The following RIC1 variants were observed in gnomAD, a reference collection of about 807,000 sequenced individuals.
The protein encoded by RIC1 is RIC1 partner of RAB6A GEF complex.
A neutral mutation model predicts 169.0 loss-of-function variants in RIC1; 88 were observed. The ratio of observed to expected loss-of-function variants is 0.52; its 90% CI spans 0.44 to 0.62. The LOEUF (loss-of-function observed/expected upper bound fraction) is 0.62. Among genes scored for constraint, RIC1 ranks in the 20% least tolerant of loss-of-function variants. RIC1 has a pLI of 0.00. For missense variants in RIC1, 1,877 were observed against 1,725.5 expected, an observed-to-expected ratio of 1.09 and a Z score of -1.56; for synonymous variants, 790 against 601.5, an observed-to-expected ratio of 1.31 and a Z score of -4.59.
At chr9:5,643,511 A>G (rs1818351655) in intron 1 of RIC1, among the ~76,000 whole-genome samples, 1 of 152,160 alleles carries the variant, frequency 6.6e-6, no homozygotes. Flanking sequence ...CTTTCTCAAA[A>G]AAAAAGTTAT....
chr9:5,686,934 T>C (rs1320263519), intron 2 of RIC1, among the ~76,000 whole-genome samples: 1 of 152,186 alleles, frequency 6.6e-6, no homozygotes, highest in Non-Finnish European at 1.5e-5. Context: ...ATTTATTTCT[T>C]AAAGAGTTGG....
intron 12 of RIC1, among the ~76,000 whole-genome samples, chr9:5,749,066 G>A (rs993896995): frequency 2.0e-5 from 3 of 152,104 alleles, no homozygotes; most frequent in Non-Finnish European, 4.4e-5. Flanking sequence ...AGATCATAAA[G>A]TCCAACTGGA....
chr9:5,750,545 A>C (rs927920237), intron 12 of RIC1, among the ~76,000 whole-genome samples: 1 of 151,948 alleles, frequency 6.6e-6, no homozygotes, highest in Non-Finnish European at 1.5e-5. Context: ...TGGCTCCCAC[A>C]GTCTCACTAG....
chr9:5,719,096 A>G lies in RIC1; in HGVS notation c.441-1086A>G, dbSNP rs566969602. The G allele has an allele frequency of 2.0e-5, 3 of 152,268 alleles. No homozygotes were observed. The East Asian group carries it at 5.8e-4, about 29-fold the overall frequency. 9.4% of individuals were successfully genotyped at this position (152,268 alleles called of 1,614,324 possible). On this transcript the variant is annotated intron_variant, in intron 4 of 25. Transcript: ENST00000414202. ...CATAACATTTTTTGTTTTTCCTTAT[A>G]TAGTATTTGATACTTTGAACACTCT...
At chr9:5,639,556 T>A (rs943401816) in intron 1 of RIC1, among the ~76,000 whole-genome samples, 6 of 152,226 alleles carry the variant, frequency 3.9e-5, no homozygotes, top group African/African-American at 1.4e-4. Flanking sequence ...GAATGTGTGT[T>A]CTGCACCCTT....
chr9:5,740,697 C>T (rs566494578), intron 8 of RIC1, among the ~76,000 whole-genome samples: 7 of 151,578 alleles, frequency 4.6e-5, no homozygotes, highest in African/African-American at 9.7e-5. Flanking sequence ...ATATTCTAGC[C>T]GCACTGGCAG....
At chr9:5,653,945 A>G (rs1464013020) in intron 1 of RIC1, among the ~76,000 whole-genome samples, 1 of 152,126 alleles carries the variant, frequency 6.6e-6, no homozygotes, top group Non-Finnish European at 1.5e-5. Context: ...AGTGTTTTGT[A>G]ACTTTTTTCT....
chr9:5,654,440 G>C (rs1818971573), intron 1 of RIC1, among the ~76,000 whole-genome samples: 1 of 152,100 alleles, frequency 6.6e-6, no homozygotes, highest in South Asian at 2.1e-4. Flanking sequence ...GTAGAGACGG[G>C]GTTTCACCAT....
Position 5,711,844 on chromosome 9 carries a change from C to A in RIC1, c.333-2052C>A, listed in dbSNP as rs139996636. On this transcript the variant is annotated intron_variant, in intron 3 of 25. Transcript: ENST00000414202. ...TGCGGTGTTTGGTTTTTTGTCCTTG[C>A]GACAGTTTGCTGAGAATGATGGTTT... 9.4e-3 allele frequency among the ~76,000 whole-genome samples: 1,429 copies of A among 152,152 alleles called. 27 individuals are homozygous for A. The highest frequency in any genetic ancestry group is 0.032 in the African/African-American group (1,321 of 41,498).
At chr9:5,701,731 A>G (rs1020994068) in intron 3 of RIC1, among the ~76,000 whole-genome samples, 3 of 152,188 alleles carry the variant, frequency 2.0e-5, no homozygotes, top group Non-Finnish European at 4.4e-5. Context: ...TAGTATGAAT[A>G]TGGTAGGTAG....
At chr9:5,767,301 G>T (rs920534617) in intron 21 of RIC1, among the ~76,000 whole-genome samples, 1 of 152,158 alleles carries the variant, frequency 6.6e-6, no homozygotes, top group Admixed American at 6.5e-5. Context: ...GACTGAAACT[G>T]CTATCACCCA....
chr9:5,632,666 T>A (rs1365827754), intron 1 of RIC1, among the ~76,000 whole-genome samples: 1 of 152,164 alleles, frequency 6.6e-6, no homozygotes, highest in African/African-American at 2.4e-5. Flanking sequence ...TTGGTACATT[T>A]CTGCTAAGGT....
chr9:5,765,269 A>G (rs1190932186), intron 19 of RIC1, 145 bp from the exon 20 acceptor site: 1 of 794,214 alleles, frequency 1.3e-6, no homozygotes, highest in African/African-American at 1.7e-5. Context: ...TTTTCCTTGT[A>G]TGGTACTTTT....
intron 7 of RIC1, among the ~76,000 whole-genome samples, chr9:5,734,815 G>A (rs991309023): frequency 7.9e-5 from 12 of 152,028 alleles, no homozygotes; most frequent in African/African-American, 1.2e-4. Context: ...TATAAATAAC[G>A]TTCCATTGTC....
chr9:5,730,148 A>G (rs115877775), intron 6 of RIC1, among the ~76,000 whole-genome samples: 3,452 of 152,294 alleles, frequency 0.023, 138 homozygotes, highest in African/African-American at 0.078. Flanking sequence ...GAAATAACTA[A>G]ATGACATTTA....
chr9:5,732,155 G>C (rs1824407525), intron 6 of RIC1, among the ~76,000 whole-genome samples: 1 of 152,116 alleles, frequency 6.6e-6, no homozygotes, highest in Non-Finnish European at 1.5e-5. Context: ...ACTAGCACTG[G>C]ACTGAGCTGA....
chr9:5,759,577 A>G (rs1209203228), intron 17 of RIC1, among the ~76,000 whole-genome samples: 3 of 152,248 alleles, frequency 2.0e-5, no homozygotes, highest in South Asian at 2.1e-4. Flanking sequence ...CAAATCAGCT[A>G]TGAAAAGACA....
intron 8 of RIC1, among the ~76,000 whole-genome samples, chr9:5,741,250 C>CA: frequency 6.6e-6 from 1 of 152,268 alleles, no homozygotes; most frequent in Middle Eastern, 3.4e-3. Flanking sequence ...AGCTACCTTT[C>CA]AGATCTTGTC....
chr9:5,679,255 G>C (rs1250735258), intron 2 of RIC1, among the ~76,000 whole-genome samples: 1 of 152,164 alleles, frequency 6.6e-6, no homozygotes, highest in African/African-American at 2.4e-5. Flanking sequence ...TTATAGTATA[G>C]TTTGAAGTCA....
Sources: allele counts gnomAD v4.1 joint callset (sites outside exome capture counted in the v4.1 genomes callset), GRCh38; gene constraint gnomAD v4.1.1; transcripts MANE v1.5; gene names NCBI Gene and HGNC (gene_info 2026-07-23, HGNC 2026-07-21).